SENP6: variants seen among roughly 807,000 people sequenced by gnomAD.
SENP6 encodes the protein sentrin-specific protease 6.
A neutral mutation model predicts 134.5 loss-of-function variants in SENP6; 41 were observed. That is an observed-to-expected ratio of 0.30 (90% CI 0.24 to 0.40). The LOEUF (loss-of-function observed/expected upper bound fraction) is 0.40. SENP6 is among the 10% of genes least tolerant of loss of function. The pLI, the probability that SENP6 is intolerant of heterozygous loss-of-function variation, is 1.00. For synonymous variants in SENP6, 395 were observed against 429.8 expected, an observed-to-expected ratio of 0.92 and a Z score of 1.00; for missense variants, 1,248 against 1,312.5, an observed-to-expected ratio of 0.95 and a Z score of 0.76.
At chr6:75,617,409 G>A (rs1021999970) in intron 1 of SENP6, among the ~76,000 whole-genome samples, 4 of 151,096 alleles carry the variant, frequency 2.6e-5, no homozygotes, top group Non-Finnish European at 5.9e-5. Context: ...GAGTAGGTGG[G>A]GTTACAGGCA....
chr6:75,626,725 C>G (rs1292032912), intron 3 of SENP6, among the ~76,000 whole-genome samples: 1 of 152,148 alleles, frequency 6.6e-6, no homozygotes, highest in Non-Finnish European at 1.5e-5. Flanking sequence ...AATTCCCTAT[C>G]TAAAGGTGTT....
At chr6:75,704,267 A>G (rs1305524734) in intron 19 of SENP6, among the ~76,000 whole-genome samples, 2 of 152,150 alleles carry the variant, frequency 1.3e-5, no homozygotes, top group African/African-American at 2.4e-5. Context: ...GTTGATTACT[A>G]TTTTCACTAT....
intron 3 of SENP6, among the ~76,000 whole-genome samples, chr6:75,624,953 G>A (rs1025728465): frequency 1.3e-5 from 2 of 152,006 alleles, no homozygotes; most frequent in African/African-American, 4.8e-5. Context: ...ACAACATAGT[G>A]AGACTCCATC....
Position 75,640,628 on chromosome 6 carries a change from A to AT in SENP6, c.459-55dup, listed in dbSNP as rs1490652450. 1.3e-5 allele frequency: 16 copies of AT among 1,234,884 alleles called. No individual in the cohort carries two copies. The African/African-American group carries it at 2.3e-4, about 18-fold the overall frequency. The allele number at this position is 1,234,884 out of a possible 1,614,324, so 76.5% of individuals were successfully genotyped here. ...GACTATAGTTACTGCAACTACAGTG[A>AT]TATATCAACAATGAGGTCTTGCCTC... On this transcript the variant is annotated intron_variant, in intron 5 of 23. Coordinates refer to ENST00000447266, the MANE Select transcript of SENP6 (RefSeq NM_015571.4).
chr6:75,615,319 A>G (rs1767770782), intron 1 of SENP6, among the ~76,000 whole-genome samples: 1 of 152,068 alleles, frequency 6.6e-6, no homozygotes. Context: ...AGCTGGGATT[A>G]CAGGTGCGCG....
At chr6:75,703,167 G>A in intron 19 of SENP6, 95 bp downstream of exon 19, 1 of 1,092,334 alleles carries the variant, frequency 9.2e-7, no homozygotes, top group Non-Finnish European at 1.3e-6. Flanking sequence ...AAAAAAATCA[G>A]GTTAATGACT....
chr6:75,614,715 CA>C (rs1296776038), intron 1 of SENP6, among the ~76,000 whole-genome samples: 13 of 152,082 alleles, frequency 8.5e-5, no homozygotes, highest in African/African-American at 2.9e-4. Flanking sequence ...TAATGGTTCC[CA>C]AGTGATTTTT....
At position 75,705,924 on chromosome 6, in the gene SENP6, C is replaced by CTTTTTTTT. The variant is rs1562073188; in HGVS notation, c.2716+2852_2716+2853insTTTTTTTT. Among the ~76,000 whole-genome samples, 626 of 89,246 alleles carry CTTTTTTTT rather than the reference C, an allele frequency of 7.0e-3. 178 individuals carry two copies. Among genetic ancestry groups the CTTTTTTTT allele is most frequent in the Middle Eastern group, 0.014 (2 of 140 alleles). The allele number at this position is 89,246 out of a possible 152,430, so 58.5% of individuals were successfully genotyped here. On this transcript the variant is annotated intron_variant, in intron 19 of 23. Transcript: ENST00000447266. The stretch of plus-strand genomic sequence containing the variant: ...AGTGAGTTAGAAAGCTATTTTTGAG[C>CTTTTTTTT]CTTTTTTTTTTTTTTTTTTTTTTTT...
chr6:75,677,456 C>G (rs2149879184), intron 14 of SENP6, 200 bp downstream of exon 14: 1 of 445,330 alleles, frequency 2.2e-6, no homozygotes, highest in African/African-American at 2.0e-5. Context: ...TGATACAGGT[C>G]TCAGAAGCAT....
At chr6:75,684,272 G>T (rs1396219232) in intron 16 of SENP6, among the ~76,000 whole-genome samples, 1 of 152,180 alleles carries the variant, frequency 6.6e-6, no homozygotes, top group African/African-American at 2.4e-5. Context: ...TGCTGAAGTT[G>T]CTTATCAGCA....
intron 1 of SENP6, among the ~76,000 whole-genome samples, chr6:75,615,290 C>T (rs1258183057): frequency 6.6e-6 from 1 of 152,194 alleles, no homozygotes. Context: ...AGCGATTCTC[C>T]TGTGTCAGCC....
At chr6:75,678,740 G>A in intron 15 of SENP6, 48 bp downstream of exon 15, 1 of 1,383,674 alleles carries the variant, frequency 7.2e-7, no homozygotes, top group Non-Finnish European at 1.0e-6. Flanking sequence ...GTCTTTCTCT[G>A]TTTTATTACA....
At chr6:75,653,450 C>T (rs1052732991) in intron 7 of SENP6, among the ~76,000 whole-genome samples, 3 of 152,048 alleles carry the variant, frequency 2.0e-5, no homozygotes, top group Non-Finnish European at 2.9e-5. Flanking sequence ...AAATATTCAC[C>T]TTTATTTTCC....
chr6:75,642,631 T>C (rs1193040333), intron 6 of SENP6, among the ~76,000 whole-genome samples: 2 of 152,228 alleles, frequency 1.3e-5, no homozygotes, highest in Non-Finnish European at 2.9e-5. Flanking sequence ...AAGGTTTTTG[T>C]AAGGTGATCT....
At chr6:75,661,693 A>G (rs555050873) in intron 8 of SENP6, among the ~76,000 whole-genome samples, 22 of 152,346 alleles carry the variant, frequency 1.4e-4, no homozygotes, top group African/African-American at 4.6e-4. Context: ...AGACAAGGTT[A>G]GTGGTTTTTT....
Position 75,676,010 on chromosome 6 carries a change from A to C in SENP6, c.1577A>C (p.Glu526Ala). Reference protein sequence around the residue: ...KLSIQLQMNKEDKVWNDCKGV... With the variant: ...KLSIQLQMNKADKVWNDCKGV... ...AGCATCCAACTGCAAATGAATAAGG[A>C]GGATAAAGTTTGGAATGATTGTAAA... is the stretch of plus-strand genomic sequence containing the variant. Residue 526 changes from glutamate to alanine, a missense_variant, in exon 13 of 24, where the codon GAG becomes GCG. By Grantham distance (107) the Glu-to-Ala change is moderately radical. Around this residue, in one of 3 missense-constraint regions of SENP6, gnomAD observed 733 missense variants for 725.4 expected, o/e 1.01. Transcript: ENST00000447266. 7 of 1,610,280 alleles carry C rather than the reference A, an allele frequency of 4.3e-6. No individual in the cohort carries two copies. Among genetic ancestry groups the C allele is most frequent in the Non-Finnish European group, 5.9e-6 (7 of 1,178,664 alleles).
At chr6:75,672,779 T>C (rs1443505424) in intron 11 of SENP6, among the ~76,000 whole-genome samples, 5 of 152,310 alleles carry the variant, frequency 3.3e-5, no homozygotes, top group Admixed American at 1.3e-4. Flanking sequence ...GATAATTTAA[T>C]CATTTTAATT....
intron 18 of SENP6, among the ~76,000 whole-genome samples, chr6:75,702,272 C>A (rs1775088654): frequency 6.8e-6 from 1 of 146,664 alleles, no homozygotes; most frequent in Non-Finnish European, 1.5e-5. Context: ...AGCTGGAATG[C>A]TGTGGCACAA....
At chr6:75,659,927 C>T (rs943425673) in intron 8 of SENP6, among the ~76,000 whole-genome samples, 1 of 152,130 alleles carries the variant, frequency 6.6e-6, no homozygotes, top group African/African-American at 2.4e-5. Context: ...ATACATCTGT[C>T]AAAATCTCAA....
Sources: allele counts gnomAD v4.1 joint callset (sites outside exome capture counted in the v4.1 genomes callset), GRCh38; gene constraint gnomAD v4.1.1; regional missense constraint gnomAD v4.1.1; transcripts MANE v1.5; gene names NCBI Gene and HGNC (gene_info 2026-07-23, HGNC 2026-07-21).